Variants in RELN observed in about 807,000 individuals in gnomAD.
RELN encodes reelin.
A neutral mutation model predicts 427.6 loss-of-function variants in RELN; 108 were observed. The ratio of observed to expected loss-of-function variants is 0.25; its 90% CI spans 0.22 to 0.30. RELN has a LOEUF of 0.30. Among genes scored for constraint, RELN ranks in the 10% least tolerant of loss-of-function variants. RELN has a pLI of 1.00. For synonymous variants in RELN, 1,524 were observed against 1,513.4 expected (o/e 1.01, Z -0.16); for missense variants, 3,715 against 4,302.8 (o/e 0.86, Z 3.82).
At chr7:103,898,113 TTTC>T (rs1017469427) in intron 2 of RELN, among the ~76,000 whole-genome samples, 2 of 151,976 alleles carry the variant, frequency 1.3e-5, no homozygotes, top group African/African-American at 4.8e-5. Flanking sequence ...GGTGTGTAGT[TTTC>T]TACAGCTTCT....
intron 50 of RELN, chr7:103,513,332 C>T (rs928486454): frequency 1.3e-5 from 2 of 152,122 alleles, no homozygotes; most frequent in African/African-American, 4.8e-5. Flanking sequence ...AACTGTATAT[C>T]GCTAATTAAA....
chr7:103,759,118 C>T (rs1387240652), intron 4 of RELN, among the ~76,000 whole-genome samples: 2 of 152,008 alleles, frequency 1.3e-5, no homozygotes, highest in African/African-American at 2.4e-5. Context: ...AAATAGATTG[C>T]TTATAGAACT....
At chr7:103,972,385 G>A (rs1563118676) in intron 1 of RELN, among the ~76,000 whole-genome samples, 1 of 152,218 alleles carries the variant, frequency 6.6e-6, no homozygotes, top group Non-Finnish European at 1.5e-5. Context: ...CCTTGCGCTG[G>A]AAGAGCTTGG....
intron 12 of RELN, 61 bp downstream of exon 12, chr7:103,661,315 G>T: frequency 6.5e-7 from 1 of 1,526,906 alleles, no homozygotes. Context: ...TACTTCCTCA[G>T]GAATAGGTGC....
chr7:103,612,352 C>T (rs1190165712), intron 20 of RELN, among the ~76,000 whole-genome samples: 4 of 151,132 alleles, frequency 2.6e-5, no homozygotes, highest in Admixed American at 6.6e-5. Flanking sequence ...CTTGGCTCAC[C>T]GCAACCTCCG....
intron 3 of RELN, among the ~76,000 whole-genome samples, chr7:103,817,684 T>C (rs1381918484): frequency 6.6e-6 from 1 of 152,094 alleles, no homozygotes; most frequent in African/African-American, 2.4e-5. Flanking sequence ...CAGTGGCTCA[T>C]GCCTGTAATC....
At chr7:103,497,689 T>C in intron 55 of RELN, 131 bp downstream of exon 55, 1 of 768,082 alleles carries the variant, frequency 1.3e-6, no homozygotes, top group Non-Finnish European at 2.3e-6. Context: ...AAACAAAATC[T>C]GTAGCTTTTT....
chr7:103,561,836 C>G lies in RELN; in HGVS notation c.5328G>C (p.Gly1776=). Residue 1776 remains glycine (G), a synonymous_variant, in exon 35 of 65, where the codon GGG becomes GGC. Transcript: ENST00000428762. The part of the protein sequence containing the change: ...SGCPWMCSGR[G]ICDAGRCVCD... ...ACACACAGCGTCCAGCATCACAAAT[C>G]CCTCGTCCTGAGCACATCCAAGGGC... The G allele has an allele frequency of 6.2e-7, 1 of 1,613,918 alleles. No individual in the cohort carries two copies. The highest frequency in any genetic ancestry group is 8.5e-7 in the Non-Finnish European group (1 of 1,179,946).
intron 21 of RELN, among the ~76,000 whole-genome samples, chr7:103,611,262 A>G (rs1264183699): frequency 6.6e-6 from 1 of 152,234 alleles, no homozygotes; most frequent in Non-Finnish European, 1.5e-5. Context: ...AATATGGTCT[A>G]CCTATAGGTA....
chr7:103,540,393 G>C lies in RELN; in HGVS notation c.6734C>G (p.Pro2245Arg), dbSNP rs751836602. ...GTTGAGAGAATACTGTAGGAGCACG[G>C]GTTGACTCCTGGGGTCAGGAACGCC... Reference protein sequence around the residue: ...GKGVPDPRSQPVLLQYSLNGG... With the variant: ...GKGVPDPRSQRVLLQYSLNGG... Residue 2245 changes from proline to arginine, a missense_variant, in exon 44 of 65, where the codon CCC becomes CGC. Pro to Arg is a moderately radical substitution (Grantham distance 103). Around this residue, in one of 4 missense-constraint regions of RELN, gnomAD observed 1,310 missense variants for 1,643.0 expected, o/e 0.80. Coordinates refer to ENST00000428762, the MANE Select transcript of RELN (RefSeq NM_005045.4). The C allele has an allele frequency of 3.1e-6, 5 of 1,613,978 alleles. No individual in the cohort carries two copies. The highest frequency in any genetic ancestry group is 4.2e-6 in the Non-Finnish European group (5 of 1,179,912).
chr7:103,746,464 A>G (rs1790834511), intron 6 of RELN, among the ~76,000 whole-genome samples: 1 of 151,894 alleles, frequency 6.6e-6, no homozygotes, highest in South Asian at 2.1e-4. Flanking sequence ...AGAAACTACT[A>G]TCAGAGTGAA....
At chr7:103,602,026 G>A (rs144151272) in intron 24 of RELN, among the ~76,000 whole-genome samples, 160 of 152,190 alleles carry the variant, frequency 1.1e-3, no homozygotes, top group African/African-American at 3.6e-3. Flanking sequence ...CCAGACAGCT[G>A]GTCAGTTCTC....
intron 16 of RELN, among the ~76,000 whole-genome samples, chr7:103,646,024 T>C (rs1832789417): frequency 6.6e-6 from 1 of 151,838 alleles, no homozygotes; most frequent in Non-Finnish European, 1.5e-5. Context: ...AACCTGCTCC[T>C]GAATGATCTT....
At chr7:103,495,362 G>A (rs181251084) in intron 57 of RELN, among the ~76,000 whole-genome samples, 54 of 151,860 alleles carry the variant, frequency 3.6e-4, no homozygotes, top group African/African-American at 7.2e-4. Flanking sequence ...AGGTTTTGCC[G>A]TGTTGGCCAG....
intron 46 of RELN, among the ~76,000 whole-genome samples, chr7:103,533,308 A>G (rs1829980220): frequency 6.6e-6 from 1 of 152,264 alleles, no homozygotes; most frequent in Non-Finnish European, 1.5e-5. Context: ...GGCCTGCTTA[A>G]TAAACATTGA....
At chr7:103,865,335 A>G (rs1307484566) in intron 2 of RELN, among the ~76,000 whole-genome samples, 1 of 151,770 alleles carries the variant, frequency 6.6e-6, no homozygotes, top group Non-Finnish European at 1.5e-5. Context: ...TTTAAAAAGA[A>G]GTAATATCAA....
intron 2 of RELN, among the ~76,000 whole-genome samples, chr7:103,905,780 A>T (rs1795191147): frequency 7.2e-5 from 11 of 152,156 alleles, no homozygotes. Context: ...TAAACAAGCA[A>T]ATTTGGTAGC....
intron 1 of RELN, among the ~76,000 whole-genome samples, chr7:103,977,228 T>C (rs1000108996): frequency 6.7e-6 from 1 of 149,302 alleles, no homozygotes; most frequent in Non-Finnish European, 1.5e-5. Context: ...GAAAAATCGC[T>C]TGAGCCCAGG....
Position 103,988,738 on chromosome 7 carries a change from C to A in RELN, c.226+393G>T, listed in dbSNP as rs981679606. ...CAGCCCCCAACGCCCCCCCGGGGAC[C>A]CATCTGGGGGGACCGGGAGCAGGAC... is the stretch of plus-strand genomic sequence containing the variant. On this transcript the variant is annotated intron_variant, in intron 1 of 64. Coordinates refer to ENST00000428762, the MANE Select transcript of RELN (RefSeq NM_005045.4). This position sits in a 1 kb window ranked among gnomAD's most constrained non-coding sequence, Gnocchi z 4.9. 2.0e-5 allele frequency among the ~76,000 whole-genome samples: 3 copies of A among 152,180 alleles called. No homozygotes were observed. Among genetic ancestry groups the A allele is most frequent in the African/African-American group, 7.2e-5 (3 of 41,450 alleles).
Sources: allele counts gnomAD v4.1 joint callset (sites outside exome capture counted in the v4.1 genomes callset), GRCh38; gene constraint gnomAD v4.1.1; regional missense constraint gnomAD v4.1.1; non-coding constraint Gnocchi (gnomAD v3.1); transcripts MANE v1.5; gene names NCBI Gene and HGNC (gene_info 2026-07-23, HGNC 2026-07-21).